The following ZNF12 variants were observed in gnomAD, a reference collection of about 807,000 sequenced individuals.
ZNF12 encodes the protein gonadotropin inducible transcription repressor 3.
In ZNF12, 34 loss-of-function variants were observed where a neutral mutation model predicts 66.6. That is an observed-to-expected ratio of 0.51 (90% CI 0.39 to 0.68). ZNF12 has a LOEUF of 0.68. Ranked by LOEUF, ZNF12 falls within the 30% of genes least tolerant of loss-of-function variation. The pLI is 0.00. For synonymous variants in ZNF12, 320 were observed against 278.9 expected (o/e 1.15, Z -1.47); for missense variants, 697 against 826.9 (o/e 0.84, Z 1.93).
Position 6,692,787 on chromosome 7 carries a change from G to T in ZNF12, c.239-84C>A. On this transcript the variant is annotated intron_variant, in intron 4 of 4. Coordinates refer to ENST00000405858, the MANE Select transcript of ZNF12 (RefSeq NM_016265.4). This position sits in a 1 kb window ranked among gnomAD's most constrained non-coding sequence, Gnocchi z 5.1. ...AATGAGATTCATGATTTGTACACACGCATCTCATTGTGAGTAGATGCTAGC... is the reference window on the plus strand; with the variant it reads ...AATGAGATTCATGATTTGTACACACTCATCTCATTGTGAGTAGATGCTAGC... 2 of 1,309,192 alleles carry T rather than the reference G, an allele frequency of 1.5e-6. No homozygotes were observed. The highest frequency in any genetic ancestry group is 1.0e-6 in the Non-Finnish European group (1 of 964,718). 81.1% of individuals were successfully genotyped at this position (1,309,192 alleles called of 1,614,324 possible). A position where few individuals can be genotyped will look rare whatever the true frequency, so the allele number is the denominator to read the frequency against.
chr7:6,703,964 A>G (rs370152114), intron 2 of ZNF12, among the ~76,000 whole-genome samples: 193 of 152,314 alleles, frequency 1.3e-3, no homozygotes, highest in African/African-American at 4.3e-3. Context: ...TATGGGATAA[A>G]ATGGGCATCT....
intron 2 of ZNF12, among the ~76,000 whole-genome samples, chr7:6,701,703 A>T (rs1231267583): frequency 6.6e-6 from 1 of 151,938 alleles, no homozygotes; most frequent in Non-Finnish European, 1.5e-5. Context: ...TAGGAATGCT[A>T]TGTCTACCCT....
At chr7:6,702,274 A>T (rs1399739448) in intron 2 of ZNF12, among the ~76,000 whole-genome samples, 1 of 133,500 alleles carries the variant, frequency 7.5e-6, no homozygotes, top group Non-Finnish European at 1.6e-5. Context: ...CACATGGGAG[A>T]GTACCAGATT....
Position 6,697,573 on chromosome 7 carries a change from G to C in ZNF12, c.142+112C>G, listed in dbSNP as rs1780172720. The C allele has an allele frequency of 6.5e-7, 1 of 1,546,218 alleles. No homozygotes were observed. The highest frequency in any genetic ancestry group is 1.8e-5 in the Admixed American group (1 of 56,024). ...AGATCAAGACCAAAATGCCCTGCCT[G>C]GTGCCCAAAAACAGATTACTCACAT... On this transcript the variant is annotated intron_variant, in intron 3 of 4. Coordinates refer to ENST00000405858, the MANE Select transcript of ZNF12 (RefSeq NM_016265.4). This position sits in a 1 kb window ranked among gnomAD's most constrained non-coding sequence, Gnocchi z 6.1.
rs961521812 is a variant in ZNF12 at position 6,689,958 on chromosome 7, A to G, written c.*890T>C. 2 of 152,220 alleles carry G rather than the reference A, an allele frequency of 1.3e-5. No individual in the cohort carries two copies. The highest frequency in any genetic ancestry group is 2.1e-4 in the South Asian group (1 of 4,828). The allele number at this position is 152,220 out of a possible 1,614,324, so 9.4% of individuals were successfully genotyped here. A position where few individuals can be genotyped will look rare whatever the true frequency, so the allele number is the denominator to read the frequency against. The stretch of plus-strand genomic sequence containing the variant: ...ATATCTTAAAACTGTATAGAGTGCA[A>G]TGATTTTCTCACTCTTGGAAAACTG... On this transcript the variant is annotated 3_prime_UTR_variant, in exon 5 of 5. Transcript: ENST00000405858.
chr7:6,691,371 C>T lies in ZNF12; in HGVS notation c.1571G>A (p.Ser524Asn). Residue 524 changes from serine to asparagine, a missense_variant, in exon 5 of 5, where the codon AGT (serine) becomes AAT (asparagine). Physicochemically the swap from Ser to Asn is conservative, Grantham distance 46 (BLOSUM62 1). This residue lies in a region of ZNF12 where 401 missense variants were observed against 519.0 expected (regional missense o/e 0.77). Coordinates refer to ENST00000405858, the MANE Select transcript of ZNF12 (RefSeq NM_016265.4). ...THSGVKPYEC[S>N]ECGKTFYQNS... ...CTGGTAGAAGGTTTTCCCACATTCA[C>T]TACATTCATAGGGTTTTACTCCTGA... 6.2e-7 allele frequency: 1 copy of T among 1,613,728 alleles called. No individual in the cohort carries two copies. The highest frequency in any genetic ancestry group is 8.5e-7 in the Non-Finnish European group (1 of 1,179,826).
chr7:6,692,750 T>TA lies in ZNF12; in HGVS notation c.239-48dup. The TA allele has an allele frequency of 6.7e-7, 1 of 1,490,926 alleles. No homozygotes were observed. The highest frequency in any genetic ancestry group is 9.0e-7 in the Non-Finnish European group (1 of 1,115,576). The allele number at this position is 1,490,926 out of a possible 1,614,324, so 92.4% of individuals were successfully genotyped here. A position where few individuals can be genotyped will look rare whatever the true frequency, so the allele number is the denominator to read the frequency against. ...AAACTTTTGTACATCTTCCTATATA[T>TA]ATATGATATGGAATGAGATTCATGA... On this transcript the variant is annotated intron_variant, in intron 4 of 4. Transcript: ENST00000405858. The surrounding 1 kb of genome is among the most constrained non-coding windows in gnomAD (Gnocchi z 5.1).
intron 2 of ZNF12, among the ~76,000 whole-genome samples, chr7:6,701,465 C>T (rs775178262): frequency 1.3e-5 from 2 of 152,164 alleles, no homozygotes; most frequent in African/African-American, 4.8e-5. Flanking sequence ...CTGCTCTAAT[C>T]GCTTTCAGCT....
intron 2 of ZNF12, among the ~76,000 whole-genome samples, chr7:6,699,204 G>A (rs1465294586): frequency 2.6e-5 from 4 of 152,174 alleles, no homozygotes; most frequent in Non-Finnish European, 5.9e-5. Context: ...TAGAAGGTGT[G>A]GAAGGAAAGG....
rs908583627 is a variant in ZNF12 at position 6,705,938 on chromosome 7, G to A, written c.-51+494C>T. ...CTTACGCTCACTTAACTAGGATACG[G>A]GGGACAGAACACTGGCCTGGGAGAT... On this transcript the variant is annotated intron_variant, in intron 1 of 4. Coordinates refer to ENST00000405858, the MANE Select transcript of ZNF12 (RefSeq NM_016265.4). This position sits in a 1 kb window ranked among gnomAD's most constrained non-coding sequence, Gnocchi z 4.0. Among the ~76,000 whole-genome samples, 8 of 152,114 alleles carry A rather than the reference G, an allele frequency of 5.3e-5. 1 individual carries two copies. Among genetic ancestry groups the A allele is most frequent in the African/African-American group, 2.4e-5 (1 of 41,422 alleles).
chr7:6,698,090 T>G lies in ZNF12; in HGVS notation c.16-279A>C. 1 of 624,464 alleles carries G rather than the reference T, an allele frequency of 1.6e-6. No homozygotes were observed. Among genetic ancestry groups the G allele is most frequent in the Admixed American group, 2.0e-5 (1 of 50,134 alleles). 38.7% of individuals were successfully genotyped at this position (624,464 alleles called of 1,614,324 possible). ...AACTCTTAACACCAGCAGGGACGAA[T>G]CTCACCCCTGAGGAGCACAGGCCTG... On this transcript the variant is annotated intron_variant, in intron 2 of 4. Transcript: ENST00000405858. The surrounding 1 kb of genome is among the most constrained non-coding windows in gnomAD (Gnocchi z 4.4).
chr7:6,693,534 T>C (rs1385476815), intron 4 of ZNF12, among the ~76,000 whole-genome samples: 2 of 152,254 alleles, frequency 1.3e-5, no homozygotes, highest in East Asian at 3.8e-4. Flanking sequence ...GAAATTCTAC[T>C]TGTTCCTATT....
In ZNF12 at chr7:6,696,194, A is replaced by G. The variant is rs1461173380; in HGVS notation, c.238+1145T>C. Among the ~76,000 whole-genome samples, 1 of 152,194 alleles carries G rather than the reference A, an allele frequency of 6.6e-6. No homozygotes were observed. The highest frequency in any genetic ancestry group is 1.5e-5 in the Non-Finnish European group (1 of 68,034). On this transcript the variant is annotated intron_variant, in intron 4 of 4. Transcript: ENST00000405858. The surrounding 1 kb of genome is among the most constrained non-coding windows in gnomAD (Gnocchi z 4.0). The stretch of plus-strand genomic sequence containing the variant: ...TCTAGTCTTTGTTTACATTAAGTCA[A>G]AGGAAACTGAGGATATACAGAGGAC...
intron 2 of ZNF12, among the ~76,000 whole-genome samples, chr7:6,703,700 T>A (rs1328849398): frequency 3.3e-5 from 5 of 152,130 alleles, no homozygotes; most frequent in African/African-American, 1.2e-4. Flanking sequence ...GAGCTGGTAG[T>A]TAGAAGCACA....
intron 4 of ZNF12, among the ~76,000 whole-genome samples, chr7:6,695,993 A>G (rs1387939530): frequency 6.6e-6 from 1 of 152,250 alleles, no homozygotes; most frequent in Non-Finnish European, 1.5e-5. Flanking sequence ...TACTTTTTCC[A>G]GGTAATACAG....
Position 6,705,032 on chromosome 7 carries a change from A to T in ZNF12, c.15+127T>A. Reference sequence around the variant, plus strand: ...ATAAAAAGGCTTGGTGCTGATGGCTACTGTTCTGTCTGACCAAATCTTGTA... The same window carrying T: ...ATAAAAAGGCTTGGTGCTGATGGCTTCTGTTCTGTCTGACCAAATCTTGTA... On this transcript the variant is annotated intron_variant, in intron 2 of 4. Transcript: ENST00000405858. This position sits in a 1 kb window ranked among gnomAD's most constrained non-coding sequence, Gnocchi z 4.0. 1 of 1,097,392 alleles carries T rather than the reference A, an allele frequency of 9.1e-7. No individual in the cohort carries two copies. The highest frequency in any genetic ancestry group is 1.3e-6 in the Non-Finnish European group (1 of 782,150). 68.0% of individuals were successfully genotyped at this position (1,097,392 alleles called of 1,614,324 possible).
At chr7:6,706,199 G>A (rs1274969446) in intron 1 of ZNF12, among the ~76,000 whole-genome samples, 3 of 152,208 alleles carry the variant, frequency 2.0e-5, no homozygotes, top group Non-Finnish European at 2.9e-5. Context: ...GCAGAGAGAG[G>A]AGGAAGGGCT....
chr7:6,693,059 A>G (rs1434224775), intron 4 of ZNF12, among the ~76,000 whole-genome samples: 1 of 152,232 alleles, frequency 6.6e-6, no homozygotes, highest in Non-Finnish European at 1.5e-5. Context: ...AATGGCTGAC[A>G]GGGTAGAGCG....
intron 2 of ZNF12, among the ~76,000 whole-genome samples, chr7:6,701,838 C>A (rs1780248219): frequency 6.6e-6 from 1 of 152,020 alleles, no homozygotes; most frequent in South Asian, 2.1e-4. Context: ...GACAGAATCA[C>A]CCCACTATTA....
Sources: gnomAD v4.1 joint callset for allele counts (sites outside exome capture counted in the v4.1 genomes callset) on GRCh38, gnomAD v4.1.1 for gene constraint, gnomAD v4.1.1 regional missense constraint, Gnocchi (gnomAD v3.1) non-coding constraint, MANE v1.5 for transcripts, NCBI Gene and HGNC (gene_info 2026-07-23, HGNC 2026-07-21) for gene names.